Variants in CNTN4 observed in about 807,000 individuals in gnomAD.
The protein encoded by CNTN4 is contactin 4.
CNTN4 carries 77 observed loss-of-function variants against 122.5 expected under a neutral mutation model. That is an observed-to-expected ratio of 0.63 (90% confidence interval 0.52 to 0.76). The LOEUF is 0.76. Ranked by LOEUF, CNTN4 falls within the 30% of genes least tolerant of loss-of-function variation. CNTN4 has a pLI of 0.00. For synonymous variants in CNTN4, 512 were observed against 447.0 expected (o/e 1.15, Z -1.83); for missense variants, 1,256 against 1,259.1 (o/e 1.00, Z 0.04).
At chr3:2,460,047 A>G (rs1311790432) in intron 3 of CNTN4, among the ~76,000 whole-genome samples, 1 of 152,056 alleles carries the variant, frequency 6.6e-6, no homozygotes, top group African/African-American at 2.4e-5. Flanking sequence ...TTATCTGGCC[A>G]TCTATCTCTG....
chr3:2,705,854 T>A (rs1348695861), intron 4 of CNTN4, among the ~76,000 whole-genome samples: 2 of 86,928 alleles, frequency 2.3e-5, no homozygotes, highest in African/African-American at 1.3e-4. Context: ...ATATATAATA[T>A]ATGTGTTTAT....
At chr3:2,858,068 C>A (rs539557654) in intron 7 of CNTN4, among the ~76,000 whole-genome samples, 3 of 152,278 alleles carry the variant, frequency 2.0e-5, no homozygotes, top group South Asian at 2.1e-4. Flanking sequence ...GAGGCTATGG[C>A]AAACTGGAGA....
chr3:2,736,770 TTTTA>T (rs563317741), intron 5 of CNTN4, among the ~76,000 whole-genome samples: 682 of 137,398 alleles, frequency 5.0e-3, no homozygotes, highest in Non-Finnish European at 5.8e-3. Flanking sequence ...GACCAAGAGC[TTTTA>T]TTTATTTATT....
At chr3:2,138,174 C>G (rs898983509) in intron 2 of CNTN4, among the ~76,000 whole-genome samples, 37 of 151,014 alleles carry the variant, frequency 2.5e-4, no homozygotes, top group Admixed American at 5.3e-4. Flanking sequence ...TCAAGTGATT[C>G]TCCTGCCTCA....
At chr3:2,804,644 A>G (rs139986215) in intron 6 of CNTN4, among the ~76,000 whole-genome samples, 1 of 152,172 alleles carries the variant, frequency 6.6e-6, no homozygotes, top group Admixed American at 6.5e-5. Flanking sequence ...AGGTGTGAGC[A>G]TTGCTCTTCT....
At chr3:2,747,407 T>TA (rs1187974635) in intron 6 of CNTN4, among the ~76,000 whole-genome samples, 4 of 26,302 alleles carry the variant, frequency 1.5e-4, no homozygotes, top group Admixed American at 6.0e-4. Context: ...AGACTCCGTC[T>TA]AAAAAAAAAA....
At chr3:2,669,635 G>C (rs768202428) in intron 4 of CNTN4, among the ~76,000 whole-genome samples, 128 of 151,990 alleles carry the variant, frequency 8.4e-4, no homozygotes, top group African/African-American at 2.8e-3. Flanking sequence ...CTTCTGCTAG[G>C]TTTTGAATGT....
At position 2,331,977 on chromosome 3, in the gene CNTN4, C is replaced by T. The variant is rs370611322; in HGVS notation, c.-144-7201C>T. On this transcript the variant is annotated intron_variant, in intron 2 of 24. Transcript: ENST00000418658. ...GTCCAGCCCAACACCACTGGCCTTTCTCCGTGGTAAGTAAAGCTCCAGTAA... is the reference window on the plus strand; with the variant it reads ...GTCCAGCCCAACACCACTGGCCTTTTTCCGTGGTAAGTAAAGCTCCAGTAA... 2.0e-5 allele frequency among the ~76,000 whole-genome samples: 3 copies of T among 152,288 alleles called. No homozygotes were observed. The East Asian group carries it at 5.8e-4, about 29-fold the overall frequency.
chr3:2,958,427 T>A (rs17023520), intron 13 of CNTN4, among the ~76,000 whole-genome samples: 36,695 of 152,088 alleles, frequency 0.24, 4,592 homozygotes, highest in Middle Eastern at 0.29. Context: ...CATAACTCAG[T>A]TTATTGAATT....
At chr3:2,586,344 GT>G (rs1286602244) in intron 4 of CNTN4, among the ~76,000 whole-genome samples, 3 of 152,158 alleles carry the variant, frequency 2.0e-5, no homozygotes, top group African/African-American at 2.4e-5. Context: ...CCAGGCTGGG[GT>G]AAAATGGCAC....
At chr3:2,182,674 T>C (rs936614438) in intron 2 of CNTN4, among the ~76,000 whole-genome samples, 1 of 152,162 alleles carries the variant, frequency 6.6e-6, no homozygotes, top group Non-Finnish European at 1.5e-5. Context: ...ATATGACTCA[T>C]TGTAACATTA....
At chr3:2,780,673 C>T (rs979316099) in intron 6 of CNTN4, among the ~76,000 whole-genome samples, 9 of 152,152 alleles carry the variant, frequency 5.9e-5, no homozygotes, top group Admixed American at 3.3e-4. Flanking sequence ...TTGTTTCTGA[C>T]CCTTAAGGGC....
intron 4 of CNTN4, among the ~76,000 whole-genome samples, chr3:2,677,653 GT>G (rs895733351): frequency 6.6e-6 from 1 of 152,078 alleles, no homozygotes; most frequent in Non-Finnish European, 1.5e-5. Context: ...GTGAGTTTTT[GT>G]TTTAAGCATT....
At chr3:2,364,028 A>G (rs564198833) in intron 3 of CNTN4, among the ~76,000 whole-genome samples, 1 of 152,258 alleles carries the variant, frequency 6.6e-6, no homozygotes, top group African/African-American at 2.4e-5. Flanking sequence ...TGTTTCACCC[A>G]TCTGAGAGCT....
At chr3:2,710,029 T>A (rs2087030059) in intron 4 of CNTN4, among the ~76,000 whole-genome samples, 1 of 152,236 alleles carries the variant, frequency 6.6e-6, no homozygotes, top group African/African-American at 2.4e-5. Context: ...TTAGTTTTCC[T>A]CTTGAAAAGG....
chr3:2,253,014 A>C (rs964449625), intron 2 of CNTN4, among the ~76,000 whole-genome samples: 2 of 152,156 alleles, frequency 1.3e-5, no homozygotes, highest in African/African-American at 4.8e-5. Flanking sequence ...GAAAAAAACC[A>C]ATATGAAGTA....
At chr3:2,155,881 G>A (rs1413558040) in intron 2 of CNTN4, among the ~76,000 whole-genome samples, 1 of 152,162 alleles carries the variant, frequency 6.6e-6, no homozygotes, top group East Asian at 1.9e-4. Context: ...CCACCTTCTT[G>A]ACCCTCCAGC....
chr3:2,327,153 T>TTTG (rs1559455692), intron 2 of CNTN4, among the ~76,000 whole-genome samples: 87 of 114,116 alleles, frequency 7.6e-4, no homozygotes, highest in Admixed American at 1.3e-3. Context: ...GTGTGTGTGT[T>TTTG]TGTGTGTGTG....
At chr3:2,539,102 G>T (rs149078251) in intron 3 of CNTN4, among the ~76,000 whole-genome samples, 2 of 152,070 alleles carry the variant, frequency 1.3e-5, no homozygotes, top group South Asian at 2.1e-4. Context: ...TAGGTCAAAG[G>T]TTATGAAACT....
Sources: gnomAD v4.1 joint callset for allele counts (sites outside exome capture counted in the v4.1 genomes callset) on GRCh38, gnomAD v4.1.1 for gene constraint, MANE v1.5 for transcripts, NCBI Gene and HGNC (gene_info 2026-07-23, HGNC 2026-07-21) for gene names.